The following DGLUCY variants were observed in gnomAD, a reference collection of about 807,000 sequenced individuals.
DGLUCY encodes D-glutamate cyclase.
DGLUCY carries 58 observed loss-of-function variants against 58.5 expected under a neutral mutation model. The ratio of observed to expected loss-of-function variants is 0.99; its 90% CI spans 0.80 to 1.23. The LOEUF (loss-of-function observed/expected upper bound fraction) is 1.23. Among genes scored for constraint, DGLUCY ranks in the 50% most tolerant of loss-of-function variants. The pLI is 0.00. For missense variants in DGLUCY, 779 were observed against 784.7 expected, an observed-to-expected ratio of 0.99 and a Z score of 0.09; for synonymous variants, 325 against 314.1, an observed-to-expected ratio of 1.03 and a Z score of -0.37.
intron 10 of DGLUCY, among the ~76,000 whole-genome samples, chr14:91,196,807 G>A (rs190246990): frequency 0.011 from 1,670 of 149,242 alleles, 21 homozygotes; most frequent in Admixed American, 0.023. Context: ...ACATGTTAGA[G>A]AATAGTGAAA....
intron 13 of DGLUCY, among the ~76,000 whole-genome samples, chr14:91,221,847 C>G (rs937211672): frequency 6.6e-6 from 1 of 152,170 alleles, no homozygotes; most frequent in African/African-American, 2.4e-5. Context: ...CAACCACCAC[C>G]AAGATTAAGA....
At chr14:91,077,750 CAA>C (rs1269460176) in intron 1 of DGLUCY, among the ~76,000 whole-genome samples, 6 of 68,306 alleles carry the variant, frequency 8.8e-5, no homozygotes, top group Admixed American at 1.8e-4. Flanking sequence ...GACTCTGTCT[CAA>C]AAAAAAAAAA....
At chr14:91,065,804 G>A (rs966389341) in intron 1 of DGLUCY, among the ~76,000 whole-genome samples, 1 of 152,136 alleles carries the variant, frequency 6.6e-6, no homozygotes, top group African/African-American at 2.4e-5. Context: ...AAATGGGTGC[G>A]GGGCTTGAGT....
At chr14:91,127,926 T>TTG (rs2045806318) in intron 1 of DGLUCY, among the ~76,000 whole-genome samples, 1 of 151,756 alleles carries the variant, frequency 6.6e-6, no homozygotes, top group African/African-American at 2.4e-5. Context: ...TGGCTTTTTT[T>TTG]TTTTTTTTTT....
At chr14:91,079,769 A>G (rs747766951) in intron 1 of DGLUCY, among the ~76,000 whole-genome samples, 42 of 152,226 alleles carry the variant, frequency 2.8e-4, no homozygotes, top group Non-Finnish European at 2.1e-4. Flanking sequence ...AGATTCAGAA[A>G]AAAAGGTTTG....
chr14:91,210,162 C>G (rs1885442620), intron 12 of DGLUCY, among the ~76,000 whole-genome samples: 1 of 152,038 alleles, frequency 6.6e-6, no homozygotes, highest in South Asian at 2.1e-4. Context: ...CCCAGCTGTT[C>G]AGGAGGCTGA....
intron 1 of DGLUCY, among the ~76,000 whole-genome samples, chr14:91,078,564 C>A (rs558396122): frequency 6.6e-6 from 1 of 152,278 alleles, no homozygotes; most frequent in East Asian, 1.9e-4. Flanking sequence ...CCAGCATGTG[C>A]CTCATTTTGA....
upstream of DGLUCY, among the ~76,000 whole-genome samples, chr14:91,103,910 A>G (rs928037649): frequency 2.7e-5 from 4 of 149,336 alleles, no homozygotes; most frequent in African/African-American, 7.4e-5. Context: ...ACTTCTGCGC[A>G]TGTCTGTGGA....
At chr14:91,076,750 A>G (rs1420775420) in intron 1 of DGLUCY, among the ~76,000 whole-genome samples, 1 of 152,164 alleles carries the variant, frequency 6.6e-6, no homozygotes, top group Non-Finnish European at 1.5e-5. Flanking sequence ...AGCAAAAACA[A>G]AAAAGCAAGA....
intron 1 of DGLUCY, among the ~76,000 whole-genome samples, chr14:91,093,400 G>A (rs746321394): frequency 5.9e-5 from 9 of 152,134 alleles, no homozygotes; most frequent in Non-Finnish European, 1.2e-4. Context: ...GCAGAGAAGC[G>A]AAATGTGGTA....
At position 91,196,463 on chromosome 14, in the gene DGLUCY, G is replaced by A. The variant is rs34942357; in HGVS notation, c.1284G>A (p.Pro428=). 223 of 1,613,730 alleles carry A rather than the reference G, an allele frequency of 1.4e-4. No homozygotes were observed. The African/African-American group carries it at 2.6e-3, about 19-fold the overall frequency. The change falls in exon 10 of 14, where the codon CCG becomes CCA. Residue 428 remains proline (P), a synonymous_variant. Transcript: ENST00000256324. ...AQAFLCKNGD[P]QTPRFDHLVA... The stretch of plus-strand genomic sequence containing the variant: ...CATTCCTGTGCAAAAATGGGGACCC[G>A]CAGACACCTAGGTACGTATGTCGCA...
chr14:91,197,000 T>C (rs927476719), intron 10 of DGLUCY, among the ~76,000 whole-genome samples: 9 of 152,192 alleles, frequency 5.9e-5, no homozygotes, highest in African/African-American at 4.8e-5. Flanking sequence ...GGAGTCTTTA[T>C]CTGTTGCCTA....
At chr14:91,201,843 A>G (rs2140600370) in intron 11 of DGLUCY, among the ~76,000 whole-genome samples, 1 of 152,000 alleles carries the variant, frequency 6.6e-6, no homozygotes, top group Non-Finnish European at 1.5e-5. Flanking sequence ...ACCTGAGCTC[A>G]GGAGTTCCAG....
upstream of DGLUCY, among the ~76,000 whole-genome samples, chr14:91,104,560 G>A (rs147869015): frequency 6.6e-6 from 1 of 152,296 alleles, no homozygotes; most frequent in East Asian, 1.9e-4. Flanking sequence ...TACCAAGAGC[G>A]TCCTTGATGC....
At chr14:91,080,282 C>T (rs1003180489) in intron 1 of DGLUCY, among the ~76,000 whole-genome samples, 1 of 152,200 alleles carries the variant, frequency 6.6e-6, no homozygotes, top group African/African-American at 2.4e-5. Context: ...TGAGTCTCTG[C>T]TTTCAATTCT....
chr14:91,177,498 C>G (rs1367207347), intron 7 of DGLUCY, among the ~76,000 whole-genome samples: 1 of 152,202 alleles, frequency 6.6e-6, no homozygotes, highest in Non-Finnish European at 1.5e-5. Context: ...AGCAGCAGTA[C>G]ATTTTTTCCA....
At chr14:91,210,211 G>A (rs1953119861) in intron 12 of DGLUCY, among the ~76,000 whole-genome samples, 1 of 152,164 alleles carries the variant, frequency 6.6e-6, no homozygotes, top group Admixed American at 6.5e-5. Flanking sequence ...GTTGCAGTGA[G>A]CCAAGATTGC....
upstream of DGLUCY, among the ~76,000 whole-genome samples, chr14:91,112,736 T>A (rs2044727849): frequency 6.8e-6 from 1 of 147,748 alleles, no homozygotes. Flanking sequence ...AAAAAAAAAA[T>A]AGGCTGGGAG....
At chr14:91,176,754 A>G (rs1260361884) in intron 7 of DGLUCY, among the ~76,000 whole-genome samples, 2 of 151,948 alleles carry the variant, frequency 1.3e-5, no homozygotes, top group Non-Finnish European at 2.9e-5. Flanking sequence ...GGTGCATGCC[A>G]CCACACCTGG....
Sources: gnomAD v4.1 joint callset for allele counts (sites outside exome capture counted in the v4.1 genomes callset) on GRCh38, gnomAD v4.1.1 for gene constraint, MANE v1.5 for transcripts, NCBI Gene and HGNC (gene_info 2026-07-23, HGNC 2026-07-21) for gene names.